The following RAD9B variants were observed in gnomAD, a reference collection of about 807,000 sequenced individuals.
RAD9B encodes cell cycle checkpoint control protein RAD9B.
Under a neutral mutation model 48.3 loss-of-function variants are expected in RAD9B, and 41 were observed. The observed-to-expected ratio is 0.85, with a 90% CI of 0.66 to 1.10. RAD9B has a LOEUF of 1.10. RAD9B is among the 50% of genes least tolerant of loss of function. RAD9B has a pLI of 0.00. For synonymous variants in RAD9B, 160 were observed against 157.9 expected (o/e 1.01, Z -0.10); for missense variants, 444 against 485.1 (o/e 0.92, Z 0.80).
At chr12:110,514,926 A>G in intron 5 of RAD9B, 124 bp from the exon 6 acceptor site, 1 of 596,552 alleles carries the variant, frequency 1.7e-6, no homozygotes, top group Non-Finnish European at 2.9e-6. Context: ...GTTTGGGTAA[A>G]TTTTTCTAAA....
intron 10 of RAD9B, among the ~76,000 whole-genome samples, chr12:110,524,106 T>G (rs2063862410): frequency 6.6e-6 from 1 of 152,182 alleles, no homozygotes; most frequent in Non-Finnish European, 1.5e-5. Context: ...ATGCCAAGGT[T>G]CAAACCTCTC....
intron 4 of RAD9B, 150 bp downstream of exon 4, chr12:110,506,843 C>CA: frequency 2.7e-6 from 1 of 374,348 alleles, no homozygotes. Context: ...AAGTATTATC[C>CA]TTTTTTTTTT....
Position 110,530,456 on chromosome 12 carries a change from T to C in RAD9B, c.1126-69T>C, listed in dbSNP as rs1219968050. 1.4e-5 allele frequency: 21 copies of C among 1,467,610 alleles called. No homozygotes were observed. In the Admixed American group the frequency reaches 3.7e-4, roughly 26 times the overall value. 90.9% of individuals were successfully genotyped at this position (1,467,610 alleles called of 1,614,324 possible). On this transcript the variant is annotated intron_variant, in intron 10 of 10. Coordinates refer to ENST00000409300, the MANE Select transcript of RAD9B (RefSeq NM_001286535.2). ...CTGGTCAGGTTTCTGAGGAGGGCTG[T>C]CACCTGGAGCATTTAATGAGCAAAC...
At chr12:110,507,389 A>G (rs1162558688) in intron 4 of RAD9B, among the ~76,000 whole-genome samples, 1 of 142,976 alleles carries the variant, frequency 7.0e-6, no homozygotes, top group African/African-American at 2.5e-5. Flanking sequence ...TGTATTATAT[A>G]TAATATATAA....
chr12:110,519,827 G>A lies in RAD9B; in HGVS notation c.801G>A (p.Val267=). 1 of 1,612,944 alleles carries A rather than the reference G, an allele frequency of 6.2e-7. No homozygotes were observed. The part of the protein sequence containing the change: ...PLALSIDDML[V]EANFILATLA... ...CTTTGAGTATTGATGATATGTTAGT[G>A]GAAGCTAACTTTATTTTGGCCACAT... The change falls in exon 9 of 11, where the codon GTG becomes GTA. Residue 267 remains valine, a synonymous_variant. Transcript: ENST00000409300.
intron 4 of RAD9B, 75 bp from the exon 5 acceptor site, chr12:110,512,704 G>A: frequency 1.5e-6 from 1 of 672,444 alleles, no homozygotes; most frequent in Non-Finnish European, 2.6e-6. Context: ...TAATTTGGCT[G>A]TGAAACTTAA....
At position 110,524,118 on chromosome 12, in the gene RAD9B, CTT is replaced by C. The variant is rs561933890; in HGVS notation, c.1125+1708_1125+1709del. Reference sequence around the variant, plus strand: ...CAAATGCCAAGGTTCAAACCTCTCTCTTACCACGTATTAACTGCGTAACTTGG... The same window carrying C: ...CAAATGCCAAGGTTCAAACCTCTCTCACCACGTATTAACTGCGTAACTTGG... On this transcript the variant is annotated intron_variant, in intron 10 of 10. Coordinates refer to ENST00000409300, the MANE Select transcript of RAD9B (RefSeq NM_001286535.2). Among the ~76,000 whole-genome samples, 19 of 152,320 alleles carry C rather than the reference CTT, an allele frequency of 1.2e-4. No homozygotes were observed. The South Asian group carries it at 3.9e-3, about 32-fold the overall frequency.
At chr12:110,525,454 T>C (rs190921628) in intron 10 of RAD9B, among the ~76,000 whole-genome samples, 55 of 152,260 alleles carry the variant, frequency 3.6e-4, no homozygotes, top group African/African-American at 1.2e-3. Context: ...GACATTTTAG[T>C]AGAATGTCCT....
intron 5 of RAD9B, 49 bp downstream of exon 5, chr12:110,512,927 C>A: frequency 1.1e-6 from 1 of 897,244 alleles, no homozygotes; most frequent in Non-Finnish European, 1.8e-6. Context: ...ACAGTATGAT[C>A]ATGGAGTGAA....
chr12:110,502,407 C>A (rs1460390418), intron 1 of RAD9B, 24 bp downstream of exon 1: 1 of 1,612,626 alleles, frequency 6.2e-7, no homozygotes, highest in Non-Finnish European at 8.5e-7. Flanking sequence ...TGTTGTCTTC[C>A]CATTTAGCAG....
intron 4 of RAD9B, chr12:110,511,514 C>T (rs1410476383): frequency 1.6e-5 from 7 of 450,286 alleles, no homozygotes; most frequent in East Asian, 7.1e-5. Context: ...ACAATGTGGA[C>T]GCTAAAAAGT....
At position 110,518,787 on chromosome 12, in the gene RAD9B, A is replaced by G. The variant is rs370308289; in HGVS notation, c.702+5A>G. 6.3e-7 allele frequency: 1 copy of G among 1,587,678 alleles called. No homozygotes were observed. Among genetic ancestry groups the G allele is most frequent in the African/African-American group, 1.4e-5 (1 of 74,040 alleles). ...TTTTGTTTCAAAGAATTGAAGGTAA[A>G]TAAAGATTTGTATCAATTTAAAATT... On this transcript the variant is annotated splice_donor_5th_base_variant and intron_variant, in intron 7 of 10. Coordinates refer to ENST00000409300, the MANE Select transcript of RAD9B (RefSeq NM_001286535.2).
rs756142864 is a variant in RAD9B at position 110,531,397 on chromosome 12, G to T, written c.*744G>T. The T allele has an allele frequency of 2.4e-5, 12 of 510,588 alleles. No individual in the cohort carries two copies. The highest frequency in any genetic ancestry group is 2.7e-5 in the Non-Finnish European group (8 of 296,226). The allele number at this position is 510,588 out of a possible 1,614,324, so 31.6% of individuals were successfully genotyped here. A position where few individuals can be genotyped will look rare whatever the true frequency, so the allele number is the denominator to read the frequency against. ...TGTAGAGACAGGGTTTCGCCATGTT[G>T]GCCAGGGTGGTCTTGAACTCCTGGC... On this transcript the variant is annotated 3_prime_UTR_variant, in exon 11 of 11. Transcript: ENST00000409300.
At chr12:110,506,134 C>G (rs1338855283) in intron 3 of RAD9B, among the ~76,000 whole-genome samples, 1 of 152,110 alleles carries the variant, frequency 6.6e-6, no homozygotes, top group East Asian at 1.9e-4. Flanking sequence ...GATCTGCCCA[C>G]CTCGGCCTCC....
intron 10 of RAD9B, among the ~76,000 whole-genome samples, chr12:110,527,307 C>T (rs2063977085): frequency 6.6e-6 from 1 of 152,226 alleles, no homozygotes; most frequent in South Asian, 2.1e-4. Flanking sequence ...TTGGGCCCAC[C>T]TGGCTATTCC....
intron 10 of RAD9B, among the ~76,000 whole-genome samples, chr12:110,529,609 G>T (rs902555509): frequency 6.6e-6 from 1 of 151,654 alleles, no homozygotes; most frequent in Non-Finnish European, 1.5e-5. Context: ...AAAAGGCTGC[G>T]CATGGTTGTG....
intron 9 of RAD9B, among the ~76,000 whole-genome samples, chr12:110,520,527 T>G (rs1470904145): frequency 2.0e-5 from 3 of 150,746 alleles, no homozygotes; most frequent in Non-Finnish European, 4.4e-5. Context: ...TTTTTTTTTT[T>G]GTTTTTTTTT....
intron 10 of RAD9B, among the ~76,000 whole-genome samples, chr12:110,524,982 T>G (rs969721911): frequency 1.2e-4 from 18 of 152,116 alleles, no homozygotes; most frequent in Admixed American, 9.2e-4. Flanking sequence ...TAAGACTTTC[T>G]TCTTTTTATT....
chr12:110,514,667 A>G lies in RAD9B; in HGVS notation c.489-383A>G, dbSNP rs1038806701. Among the ~76,000 whole-genome samples, 5 of 152,328 alleles carry G rather than the reference A, an allele frequency of 3.3e-5. No individual in the cohort carries two copies. The East Asian group carries it at 5.8e-4, about 18-fold the overall frequency. ...GCCCCCACATCTAGGTCTCCAGCAT[A>G]ATTCACCTGAGTTGTTTTTGAACAG... On this transcript the variant is annotated intron_variant, in intron 5 of 10. Transcript: ENST00000409300.
Sources: allele counts gnomAD v4.1 joint callset (sites outside exome capture counted in the v4.1 genomes callset), GRCh38; gene constraint gnomAD v4.1.1; transcripts MANE v1.5; gene names NCBI Gene and HGNC (gene_info 2026-07-23, HGNC 2026-07-21).